DYNC2LI1: variants seen among roughly 807,000 people sequenced by gnomAD.
The protein encoded by DYNC2LI1 is cytoplasmic dynein 2 light intermediate chain 1.
DYNC2LI1 carries 45 observed loss-of-function variants against 51.9 expected under a neutral mutation model. The ratio of observed to expected loss-of-function variants is 0.87; its 90% CI spans 0.68 to 1.11. The LOEUF (loss-of-function observed/expected upper bound fraction) is 1.11. Among genes scored for constraint, DYNC2LI1 ranks in the 50% most tolerant of loss-of-function variants. The pLI is 0.00. For missense variants in DYNC2LI1, 490 were observed against 417.4 expected (o/e 1.17, Z -1.51); for synonymous variants, 130 against 137.8 (o/e 0.94, Z 0.40).
downstream of DYNC2LI1, among the ~76,000 whole-genome samples, chr2:43,813,865 C>T (rs1666646253): frequency 6.6e-6 from 1 of 151,462 alleles, no homozygotes; most frequent in African/African-American, 2.4e-5. Flanking sequence ...TTTACAGGCA[C>T]GCACCACCAC....
At chr2:43,824,020 C>G in the DYNC2LI1 span, 2 of 1,614,152 alleles carry the variant, frequency 1.2e-6, no homozygotes. Flanking sequence ...GCTTCGGACC[C>G]GCAGAACGAA....
intron 12 of DYNC2LI1, among the ~76,000 whole-genome samples, chr2:43,806,129 G>A (rs1306355195): frequency 2.0e-5 from 3 of 152,130 alleles, no homozygotes; most frequent in East Asian, 3.9e-4. Flanking sequence ...TGATCCATCC[G>A]CCTTGGCCTC....
intron 12 of DYNC2LI1, among the ~76,000 whole-genome samples, chr2:43,805,936 C>T (rs1455370219): frequency 6.6e-6 from 1 of 151,264 alleles, no homozygotes; most frequent in Non-Finnish European, 1.5e-5. Context: ...GGCTGGAGTG[C>T]AGTGGCATGA....
At chr2:43,780,343 G>T (rs1322955893) in intron 2 of DYNC2LI1, among the ~76,000 whole-genome samples, 5 of 152,132 alleles carry the variant, frequency 3.3e-5, no homozygotes, top group Non-Finnish European at 5.9e-5. Context: ...CAGGTGGATT[G>T]CCAAGACCCA....
intron 7 of DYNC2LI1, 107 bp downstream of exon 7, chr2:43,796,065 A>G (rs1442635115): frequency 2.4e-6 from 2 of 823,622 alleles, no homozygotes; most frequent in Non-Finnish European, 3.9e-6. Context: ...TATTGAAGGA[A>G]TCGGTTAAGT....
chr2:43,791,652 A>C (rs1673789736), intron 5 of DYNC2LI1, among the ~76,000 whole-genome samples: 1 of 152,184 alleles, frequency 6.6e-6, no homozygotes, highest in African/African-American at 2.4e-5. Context: ...AAAACACTCA[A>C]ACTGTTTTTG....
Position 43,776,884 on chromosome 2 carries a change from T to A in DYNC2LI1, c.111T>A (p.Ile37=). ...AEIAEKFVFF[I]GSKNGGKTTI... ...TTGCAGAAAAATTTGTTTTCTTCAT[T>A]GGCAGTAAAAATGGGGTAATGCTTT... The change falls in exon 2 of 13, where the codon ATT becomes ATA. Residue 37 remains isoleucine (I), a synonymous_variant. Transcript: ENST00000260605. 6.4e-7 allele frequency: 1 copy of A among 1,572,388 alleles called. No homozygotes were observed. The highest frequency in any genetic ancestry group is 8.7e-7 in the Non-Finnish European group (1 of 1,147,268).
chr2:43,774,725 TAA>T (rs1167957778), intron 1 of DYNC2LI1, among the ~76,000 whole-genome samples: 1 of 152,220 alleles, frequency 6.6e-6, no homozygotes, highest in Admixed American at 6.5e-5. Flanking sequence ...CAGAGCAGGA[TAA>T]ATCTTTTTCT....
At chr2:43,814,686 A>G (rs972021304), downstream of DYNC2LI1, 13 of 698,856 alleles carry the variant, frequency 1.9e-5, no homozygotes, top group African/African-American at 1.6e-4. Context: ...CAACAGGAAT[A>G]TAGTTTTCTA....
chr2:43,784,974 A>G (rs1286085571), intron 3 of DYNC2LI1, among the ~76,000 whole-genome samples: 1 of 152,134 alleles, frequency 6.6e-6, no homozygotes, highest in African/African-American at 2.4e-5. Context: ...CACAAATTTA[A>G]AAATCATTTC....
chr2:43,826,337 G>A, the DYNC2LI1 span: 8 of 1,612,654 alleles, frequency 5.0e-6, no homozygotes, highest in Non-Finnish European at 1.7e-6. Context: ...GTGATTCCCA[G>A]CTCAACACAC....
chr2:43,794,054 A>G (rs1210344333), intron 5 of DYNC2LI1: 2 of 166,624 alleles, frequency 1.2e-5, no homozygotes, highest in Non-Finnish European at 2.6e-5. Flanking sequence ...GTCCACCCAT[A>G]TATCTATTTT....
chr2:43,790,571 G>T (rs1383988921), intron 5 of DYNC2LI1, among the ~76,000 whole-genome samples: 2 of 150,714 alleles, frequency 1.3e-5, no homozygotes, highest in Non-Finnish European at 3.0e-5. Context: ...AGTGAAATAT[G>T]ATTTACTTTC....
rs145577491 is a variant in DYNC2LI1, at chr2:43,789,189, G to A, written c.232-444G>A. ...TCCCTTTTCTTCATGCTTTACGTGTGTCTAATTCATTCTGCGAGCTTCTGT... is the reference window on the plus strand; with the variant it reads ...TCCCTTTTCTTCATGCTTTACGTGTATCTAATTCATTCTGCGAGCTTCTGT... On this transcript the variant is annotated intron_variant, in intron 4 of 12. Transcript: ENST00000260605. Among the ~76,000 whole-genome samples, 316 of 152,280 alleles carry A rather than the reference G, an allele frequency of 2.1e-3. 1 individual carries two copies. The highest frequency in any genetic ancestry group is 7.2e-3 in the African/African-American group (300 of 41,544).
At chr2:43,795,603 A>AT (rs929267322) in intron 6 of DYNC2LI1, among the ~76,000 whole-genome samples, 1 of 152,184 alleles carries the variant, frequency 6.6e-6, no homozygotes, top group Admixed American at 6.5e-5. Context: ...ATAAAATAGA[A>AT]TAAAAAAAAA....
At chr2:43,793,984 C>T (rs79448638) in intron 5 of DYNC2LI1, 3,303 of 153,908 alleles carry the variant, frequency 0.021, 80 homozygotes, top group African/African-American at 0.062. Flanking sequence ...ATAAAATGGA[C>T]ATTATAACAT....
intron 3 of DYNC2LI1, 129 bp from the exon 4 acceptor site, chr2:43,787,052 C>T (rs750196334): frequency 2.1e-5 from 13 of 615,558 alleles, no homozygotes; most frequent in East Asian, 8.8e-5. Flanking sequence ...TTTATTTCAA[C>T]GCTATTATAC....
At chr2:43,785,068 C>T (rs1293914216) in intron 3 of DYNC2LI1, among the ~76,000 whole-genome samples, 1 of 151,974 alleles carries the variant, frequency 6.6e-6, no homozygotes, top group Non-Finnish European at 1.5e-5. Flanking sequence ...GAGGGCAAGG[C>T]AGGCGGATCG....
chr2:43,820,012 G>A, the DYNC2LI1 span: 7 of 1,614,172 alleles, frequency 4.3e-6, no homozygotes, highest in Non-Finnish European at 5.9e-6. Flanking sequence ...AGTAGCACAA[G>A]AGTTAGAAAT....
Sources: allele counts gnomAD v4.1 joint callset (sites outside exome capture counted in the v4.1 genomes callset), GRCh38; gene constraint gnomAD v4.1.1; transcripts MANE v1.5; gene names NCBI Gene and HGNC (gene_info 2026-07-23, HGNC 2026-07-21).